Variants in AK7 observed in about 807,000 individuals in gnomAD.
AK7 encodes the protein ATP-AMP transphosphorylase 7.
AK7 carries 78 observed loss-of-function variants against 96.6 expected under a neutral mutation model. The observed-to-expected ratio is 0.81, with a 90% CI of 0.67 to 0.97. The LOEUF (loss-of-function observed/expected upper bound fraction) is 0.97, where lower values mean the gene tolerates loss of function less well. AK7 is among the 50% of genes least tolerant of loss of function. The pLI is 0.00. For synonymous variants in AK7, 302 were observed against 317.2 expected (o/e 0.95, Z 0.51); for missense variants, 855 against 887.9 (o/e 0.96, Z 0.47).
Position 96,420,852 on chromosome 14 carries a change from G to T in AK7, c.529G>T (p.Asp177Tyr). ...EDSEVPFTEE[D>Y]YRRRKSHPNF... ...TTCTGAGGTTCCATTCACTGAAGAAGATTATCGAAGAAGAAAGTCTCATCC... is the reference window on the plus strand; with the variant it reads ...TTCTGAGGTTCCATTCACTGAAGAATATTATCGAAGAAGAAAGTCTCATCC... The change falls in exon 5 of 18, where the codon GAT becomes TAT. Residue 177 changes from aspartate to tyrosine, a missense_variant. Asp to Tyr is a radical substitution (Grantham distance 160, BLOSUM62 -3). Coordinates refer to ENST00000267584, the MANE Select transcript of AK7 (RefSeq NM_152327.5). 6.2e-7 allele frequency: 1 copy of T among 1,613,410 alleles called. No homozygotes were observed. The highest frequency in any genetic ancestry group is 1.1e-5 in the South Asian group (1 of 91,038).
At chr14:96,394,728 C>A (rs908061245) in intron 1 of AK7, among the ~76,000 whole-genome samples, 2 of 152,198 alleles carry the variant, frequency 1.3e-5, no homozygotes, top group South Asian at 2.1e-4. Flanking sequence ...GTAATCCCAG[C>A]AATTTGGGAG....
At chr14:96,462,007 C>T (rs1000235104) in intron 12 of AK7, among the ~76,000 whole-genome samples, 1 of 152,188 alleles carries the variant, frequency 6.6e-6, no homozygotes, top group Non-Finnish European at 1.5e-5. Flanking sequence ...GAGGTGACCA[C>T]ACAGAACAAG....
At chr14:96,426,831 G>C (rs554311599) in intron 5 of AK7, among the ~76,000 whole-genome samples, 1 of 152,210 alleles carries the variant, frequency 6.6e-6, no homozygotes, top group Admixed American at 6.5e-5. Context: ...CTGCTTTTTG[G>C]ATCCTTTTTT....
At chr14:96,402,093 G>A (rs756864394) in intron 2 of AK7, among the ~76,000 whole-genome samples, 1 of 151,638 alleles carries the variant, frequency 6.6e-6, no homozygotes, top group African/African-American at 2.4e-5. Flanking sequence ...TTTGTACAAC[G>A]GCTTCATATG....
chr14:96,416,853 T>C (rs977213036), intron 4 of AK7, among the ~76,000 whole-genome samples: 4 of 152,210 alleles, frequency 2.6e-5, no homozygotes, highest in African/African-American at 9.6e-5. Context: ...AATCAAGGAA[T>C]GACAGCTCAG....
chr14:96,478,917 T>G (rs570843558), intron 15 of AK7, among the ~76,000 whole-genome samples: 13 of 151,940 alleles, frequency 8.6e-5, no homozygotes, highest in African/African-American at 2.2e-4. Flanking sequence ...CTTTTTTTTT[T>G]TTTTGTGGGG....
chr14:96,446,733 G>A (rs1468772866), intron 8 of AK7, 126 bp downstream of exon 8: 1 of 713,138 alleles, frequency 1.4e-6, no homozygotes, highest in Non-Finnish European at 2.4e-6. Context: ...CTGAGGTCAG[G>A]AGCTCAAGAC....
At chr14:96,469,810 GTTTTGTT>G (rs897781044) in intron 12 of AK7, among the ~76,000 whole-genome samples, 9 of 151,998 alleles carry the variant, frequency 5.9e-5, no homozygotes, top group South Asian at 4.2e-4. Context: ...GGTGTTTTGT[GTTTTGTT>G]TTTTGTTTTT....
intron 14 of AK7, among the ~76,000 whole-genome samples, chr14:96,474,018 CT>C (rs1332696054): frequency 6.6e-6 from 1 of 152,212 alleles, no homozygotes; most frequent in Non-Finnish European, 1.5e-5. Context: ...GCAGGCATTT[CT>C]TGTGACCTTC....
intron 2 of AK7, among the ~76,000 whole-genome samples, chr14:96,402,334 G>C (rs755549938): frequency 8.5e-5 from 13 of 152,118 alleles, no homozygotes; most frequent in Non-Finnish European, 1.6e-4. Context: ...AAAATGGTCA[G>C]TCCCCATCGG....
chr14:96,471,849 T>C (rs1214588242), intron 13 of AK7, among the ~76,000 whole-genome samples: 1 of 152,026 alleles, frequency 6.6e-6, no homozygotes, highest in Non-Finnish European at 1.5e-5. Flanking sequence ...GTGGCACAAA[T>C]ACTTAACACG....
At chr14:96,441,753 C>A (rs1275354697) in intron 6 of AK7, among the ~76,000 whole-genome samples, 1 of 151,796 alleles carries the variant, frequency 6.6e-6, no homozygotes, top group Non-Finnish European at 1.5e-5. Context: ...ATTTTGGGGT[C>A]CCAAGGTTTA....
intron 1 of AK7, among the ~76,000 whole-genome samples, chr14:96,392,727 G>T (rs898363543): frequency 1.3e-5 from 2 of 151,868 alleles, no homozygotes; most frequent in African/African-American, 4.8e-5. Context: ...GCAGTGGCGC[G>T]ATCTCGGCTC....
chr14:96,403,334 G>A (rs1890526396), intron 2 of AK7, among the ~76,000 whole-genome samples: 1 of 151,860 alleles, frequency 6.6e-6, no homozygotes, highest in Non-Finnish European at 1.5e-5. Flanking sequence ...TAGAGGAGAG[G>A]CACAGAACAG....
At chr14:96,404,915 C>A in intron 3 of AK7, 50 bp downstream of exon 3, 2 of 1,327,654 alleles carry the variant, frequency 1.5e-6, no homozygotes, top group South Asian at 1.3e-5. Context: ...GTAGTGCTGC[C>A]TACTTCACCT....
At chr14:96,461,264 C>T (rs1309592943) in intron 12 of AK7, among the ~76,000 whole-genome samples, 3 of 152,118 alleles carry the variant, frequency 2.0e-5, no homozygotes, top group Admixed American at 6.6e-5. Flanking sequence ...GCCTCGGCAA[C>T]ATAGCAAGAC....
intron 12 of AK7, among the ~76,000 whole-genome samples, chr14:96,465,652 A>C (rs1410311765): frequency 6.6e-6 from 1 of 152,196 alleles, no homozygotes; most frequent in Non-Finnish European, 1.5e-5. Flanking sequence ...ATGTAAAAGG[A>C]TTAAAATAAA....
At chr14:96,438,005 G>A (rs1892743839) in intron 6 of AK7, 90 bp downstream of exon 6, 2 of 1,140,548 alleles carry the variant, frequency 1.8e-6, no homozygotes, top group East Asian at 4.9e-5. Context: ...CTTTGGGTGT[G>A]GTTAGTGCAG....
intron 6 of AK7, among the ~76,000 whole-genome samples, chr14:96,440,673 A>T (rs1307130655): frequency 6.6e-6 from 1 of 152,178 alleles, no homozygotes; most frequent in African/African-American, 2.4e-5. Context: ...ATCAGAATCC[A>T]ACTCCTCCCT....
Sources: gnomAD v4.1 joint callset for allele counts (sites outside exome capture counted in the v4.1 genomes callset) on GRCh38, gnomAD v4.1.1 for gene constraint, MANE v1.5 for transcripts, NCBI Gene and HGNC (gene_info 2026-07-23, HGNC 2026-07-21) for gene names.